The following MFHAS1 variants were observed in gnomAD, a reference collection of about 807,000 sequenced individuals.
The protein encoded by MFHAS1 is multifunctional ROCO family signaling regulator 1, also known as malignant fibrous histiocytoma-amplified sequence 1.
In MFHAS1, 50 loss-of-function variants were observed where a neutral mutation model predicts 70.4. The ratio of observed to expected loss-of-function variants is 0.71; its 90% confidence interval spans 0.57 to 0.90. The LOEUF is 0.90. MFHAS1 is among the 40% of genes least tolerant of loss of function. The pLI is 0.00. For synonymous variants in MFHAS1, 952 were observed against 620.0 expected, an observed-to-expected ratio of 1.54 and a Z score of -7.96; for missense variants, 1,795 against 1,347.6, an observed-to-expected ratio of 1.33 and a Z score of -5.20.
intron 1 of MFHAS1, among the ~76,000 whole-genome samples, chr8:8,868,439 C>T (rs1808945241): frequency 6.6e-6 from 1 of 150,900 alleles, no homozygotes; most frequent in Non-Finnish European, 1.5e-5. Flanking sequence ...TTTAAACTGA[C>T]TGTAAACTGA....
intron 1 of MFHAS1, among the ~76,000 whole-genome samples, chr8:8,884,004 C>G (rs1809644382): frequency 6.7e-6 from 1 of 149,208 alleles, no homozygotes; most frequent in Admixed American, 6.8e-5. Flanking sequence ...TCAAGACCAG[C>G]TTGGGCAACA....
chr8:8,845,574 T>C (rs1461606452), intron 1 of MFHAS1, among the ~76,000 whole-genome samples: 1 of 152,158 alleles, frequency 6.6e-6, no homozygotes, highest in Non-Finnish European at 1.5e-5. Flanking sequence ...CATGGCAGGC[T>C]CCGGGGAATG....
At chr8:8,870,795 C>T (rs539636200) in intron 1 of MFHAS1, among the ~76,000 whole-genome samples, 73 of 152,342 alleles carry the variant, frequency 4.8e-4, no homozygotes, top group African/African-American at 1.7e-3. Context: ...GGGGTCAAGG[C>T]CTTGCTCCCC....
chr8:8,817,746 A>C (rs1174736084), intron 1 of MFHAS1, among the ~76,000 whole-genome samples: 1 of 152,246 alleles, frequency 6.6e-6, no homozygotes, highest in Non-Finnish European at 1.5e-5. Flanking sequence ...TCCACTTCAG[A>C]TCATTAGGCA....
At chr8:8,843,358 C>A (rs1807912316) in intron 1 of MFHAS1, among the ~76,000 whole-genome samples, 5 of 151,752 alleles carry the variant, frequency 3.3e-5, no homozygotes, top group Admixed American at 3.3e-4. Flanking sequence ...CTCAGGTGGG[C>A]AAATCACTTG....
intron 1 of MFHAS1, among the ~76,000 whole-genome samples, chr8:8,822,339 G>A (rs1176094714): frequency 1.3e-5 from 2 of 152,234 alleles, no homozygotes; most frequent in African/African-American, 4.8e-5. Context: ...TCCTCAGGGA[G>A]AGGGTGAGAT....
At chr8:8,831,544 G>C (rs1302048260) in intron 1 of MFHAS1, among the ~76,000 whole-genome samples, 1 of 151,786 alleles carries the variant, frequency 6.6e-6, no homozygotes, top group Non-Finnish European at 1.5e-5. Flanking sequence ...CAAGAATCAG[G>C]GTAATGTGAA....
chr8:8,814,140 G>T (rs372035422), intron 1 of MFHAS1, among the ~76,000 whole-genome samples: 7 of 152,222 alleles, frequency 4.6e-5, no homozygotes, highest in Middle Eastern at 3.4e-3. Flanking sequence ...GTTTCGCCAT[G>T]TTGGCCAGGC....
In MFHAS1 at chr8:8,891,281, G is replaced by T. The variant is rs372323692; in HGVS notation, c.1778C>A (p.Ala593Glu). 6.2e-7 allele frequency: 1 copy of T among 1,611,910 alleles called. No individual in the cohort carries two copies. ...CTTGTCCGAAACGCCATAGTAGGCT[G>T]CGTGGGGGCTGGCAGAGCGCAGCTC... ...DFELRSASPHAAYYGVSDKNL... is the reference protein window; with the variant it reads ...DFELRSASPHEAYYGVSDKNL... The change falls in exon 1 of 3, where the codon GCA becomes GAA. Residue 593 changes from alanine (A) to glutamate (E), a missense_variant. Ala to Glu is a moderately radical substitution (Grantham distance 107). Transcript: ENST00000276282. The surrounding 1 kb of genome is among the most constrained non-coding windows in gnomAD (Gnocchi z 5.4).
At chr8:8,890,007 C>G (rs1464678424) in intron 1 of MFHAS1, 54 bp downstream of exon 1, 3 of 1,421,702 alleles carry the variant, frequency 2.1e-6, no homozygotes, top group Non-Finnish European at 2.9e-6. Context: ...CAAGTATCTC[C>G]AAAAACATAT....
At chr8:8,874,752 A>G (rs1017157032) in intron 1 of MFHAS1, among the ~76,000 whole-genome samples, 2 of 152,194 alleles carry the variant, frequency 1.3e-5, no homozygotes, top group Non-Finnish European at 2.9e-5. Context: ...AGAGGAAGCT[A>G]TTAATATACT....
intron 1 of MFHAS1, among the ~76,000 whole-genome samples, chr8:8,826,664 T>C (rs1807175687): frequency 6.6e-6 from 1 of 152,068 alleles, no homozygotes; most frequent in South Asian, 2.1e-4. Flanking sequence ...ACCCAGAAGG[T>C]GGAGGCTGCA....
chr8:8,867,614 G>A (rs926956358), intron 1 of MFHAS1, among the ~76,000 whole-genome samples: 58 of 150,962 alleles, frequency 3.8e-4, no homozygotes, highest in Non-Finnish European at 8.1e-4. Context: ...CTGGAGTGCA[G>A]TGGCGCAATC....
At chr8:8,795,503 G>T (rs1805861211) in intron 2 of MFHAS1, among the ~76,000 whole-genome samples, 1 of 152,226 alleles carries the variant, frequency 6.6e-6, no homozygotes, top group South Asian at 2.1e-4. Flanking sequence ...CTATGCACAT[G>T]ATAGTTAAAT....
chr8:8,826,942 C>A (rs1807187545), intron 1 of MFHAS1, among the ~76,000 whole-genome samples: 1 of 152,136 alleles, frequency 6.6e-6, no homozygotes, highest in South Asian at 2.1e-4. Context: ...ATAGTGAGAC[C>A]CTGTCCCAAC....
At chr8:8,849,064 CTTTTTTTTTTTTTTTTTTT>C (rs145250762) in intron 1 of MFHAS1, among the ~76,000 whole-genome samples, 12 of 75,772 alleles carry the variant, frequency 1.6e-4, no homozygotes, top group African/African-American at 2.9e-4. Flanking sequence ...TCCTTTTTAC[CTTTTTTTTTTTTTTTTTTT>C]TTTTTTTTTT....
At chr8:8,876,622 C>T (rs1389982964) in intron 1 of MFHAS1, among the ~76,000 whole-genome samples, 1 of 151,904 alleles carries the variant, frequency 6.6e-6, no homozygotes, top group Non-Finnish European at 1.5e-5. Context: ...CGTGATCCTC[C>T]CGCCTCGGCC....
chr8:8,797,731 A>G (rs1329000066), intron 1 of MFHAS1, among the ~76,000 whole-genome samples: 3 of 152,196 alleles, frequency 2.0e-5, no homozygotes, highest in African/African-American at 4.8e-5. Flanking sequence ...AGGAAGGCCC[A>G]CACTAGACAA....
chr8:8,831,249 A>C (rs1807375979), intron 1 of MFHAS1, among the ~76,000 whole-genome samples: 1 of 151,942 alleles, frequency 6.6e-6, no homozygotes, highest in African/African-American at 2.4e-5. Context: ...TCTATCTCCA[A>C]TATACATTGG....
Sources: allele counts gnomAD v4.1 joint callset (sites outside exome capture counted in the v4.1 genomes callset), GRCh38; gene constraint gnomAD v4.1.1; non-coding constraint Gnocchi (gnomAD v3.1); transcripts MANE v1.5; gene names NCBI Gene and HGNC (gene_info 2026-07-23, HGNC 2026-07-21).